The following SOX5 variants were observed in gnomAD, a reference collection of about 807,000 sequenced individuals.
SOX5 encodes the protein SRY-box transcription factor 5, also known as transcription factor SOX-5.
SOX5 carries 9 observed loss-of-function variants against 92.0 expected under a neutral mutation model. The observed-to-expected ratio is 0.10, with a 90% CI of 0.06 to 0.17. The LOEUF is 0.17. Among genes scored for constraint, SOX5 ranks in the 10% least tolerant of loss-of-function variants. SOX5 has a pLI of 1.00. For missense variants in SOX5, 642 were observed against 944.5 expected, an observed-to-expected ratio of 0.68 and a Z score of 4.20; for synonymous variants, 344 against 336.3, an observed-to-expected ratio of 1.02 and a Z score of -0.25.
chr12:24,051,387 A>T (rs1230163349), intron 4 of SOX5, among the ~76,000 whole-genome samples: 2 of 152,152 alleles, frequency 1.3e-5, no homozygotes, highest in African/African-American at 2.4e-5. Context: ...GCACACACCC[A>T]TACATGCAAA....
chr12:23,979,014 A>T (rs1418077080), intron 4 of SOX5, among the ~76,000 whole-genome samples: 1 of 152,182 alleles, frequency 6.6e-6, no homozygotes, highest in African/African-American at 2.4e-5. Flanking sequence ...GTATCAATTA[A>T]GGCAATATCT....
intron 4 of SOX5, among the ~76,000 whole-genome samples, chr12:24,105,278 C>T (rs573417699): frequency 2.4e-4 from 36 of 152,180 alleles, no homozygotes; most frequent in Admixed American, 2.2e-3. Flanking sequence ...CGGTGGCTCA[C>T]GCCTGTAATC....
intron 6 of SOX5, among the ~76,000 whole-genome samples, chr12:23,696,478 C>A (rs1007427922): frequency 3.3e-5 from 5 of 152,232 alleles, no homozygotes; most frequent in Non-Finnish European, 7.4e-5. Flanking sequence ...CTCATTTCTA[C>A]AATTTCAAAT....
chr12:23,920,425 G>C (rs1318551372), intron 1 of SOX5: 1 of 152,168 alleles, frequency 6.6e-6, no homozygotes, highest in Non-Finnish European at 1.5e-5. Context: ...TGACTCTCTA[G>C]ATTAGTAATA....
In SOX5 at chr12:24,315,973, C is replaced by T. The variant is rs12317665; in HGVS notation, c.-173-38661G>A. 7.2e-3 allele frequency among the ~76,000 whole-genome samples: 1,093 copies of T among 152,314 alleles called. 4 individuals are homozygous for T. Among genetic ancestry groups the T allele is most frequent in the Middle Eastern group, 0.01 (3 of 294 alleles). ...CCTTCAAAGCTAAGGCCTTCAGCCA[C>T]GGGCTTCTCTTTCACATCACTTGGG... On this transcript the variant is annotated intron_variant, in intron 2 of 4. Coordinates refer to the SOX5 transcript ENST00000446891.
intron 1 of SOX5, among the ~76,000 whole-genome samples, chr12:23,908,477 C>T (rs771470991): frequency 1.3e-5 from 2 of 151,938 alleles, no homozygotes; most frequent in Non-Finnish European, 1.5e-5. Context: ...TTCCATGCCC[C>T]ATACAGACTT....
At chr12:24,140,934 T>C (rs1385759410) in intron 4 of SOX5, among the ~76,000 whole-genome samples, 1 of 152,152 alleles carries the variant, frequency 6.6e-6, no homozygotes, top group African/African-American at 2.4e-5. Flanking sequence ...AAATAGCACA[T>C]AGCTATATTT....
At chr12:24,481,751 G>C (rs571756207) in intron 1 of SOX5, among the ~76,000 whole-genome samples, 1 of 152,244 alleles carries the variant, frequency 6.6e-6, no homozygotes, top group Non-Finnish European at 1.5e-5. Context: ...ACGTAGATGG[G>C]GGTGGTCTGG....
intron 11 of SOX5, among the ~76,000 whole-genome samples, chr12:23,556,838 G>A (rs1945262433): frequency 6.6e-6 from 1 of 152,186 alleles, no homozygotes; most frequent in Non-Finnish European, 1.5e-5. Flanking sequence ...GAAGGAGCAT[G>A]TGTTAGATAA....
intron 2 of SOX5, among the ~76,000 whole-genome samples, chr12:24,340,140 A>G (rs1952412605): frequency 6.6e-6 from 1 of 152,240 alleles, no homozygotes. Flanking sequence ...TCGCTGGCAC[A>G]TAGTCTCCCT....
At chr12:24,466,077 AG>A (rs945258458) in intron 1 of SOX5, among the ~76,000 whole-genome samples, 3 of 152,140 alleles carry the variant, frequency 2.0e-5, no homozygotes, top group Non-Finnish European at 4.4e-5. Context: ...ATACCTTGAG[AG>A]GGTAGAAGAA....
intron 4 of SOX5, among the ~76,000 whole-genome samples, chr12:23,971,107 G>A (rs1176158437): frequency 7.9e-6 from 1 of 126,730 alleles, no homozygotes; most frequent in Non-Finnish European, 1.6e-5. Flanking sequence ...CATCTGAGTA[G>A]GTGTGTCAGC....
At chr12:23,890,373 A>C (rs976374335) in intron 2 of SOX5, among the ~76,000 whole-genome samples, 1 of 152,186 alleles carries the variant, frequency 6.6e-6, no homozygotes, top group Non-Finnish European at 1.5e-5. Flanking sequence ...ATTTTAAGGA[A>C]TCAAAAGAGA....
Position 24,215,375 on chromosome 12 carries a change from A to T in SOX5, c.-76-1958T>A, listed in dbSNP as rs1959087756. ...ATCTTAAGGAAGTAATTAAAAAACT[A>T]TAAGAGCTAAAGAACAAGTTCAGTA... On this transcript the variant is annotated intron_variant, in intron 3 of 4. Transcript: ENST00000446891. Among the ~76,000 whole-genome samples, 3 of 152,150 alleles carry T rather than the reference A, an allele frequency of 2.0e-5. No individual in the cohort carries two copies. In the South Asian group the frequency reaches 6.2e-4, roughly 31 times the overall value.
chr12:24,103,869 G>GA (rs1946375519), intron 4 of SOX5, among the ~76,000 whole-genome samples: 3 of 151,816 alleles, frequency 2.0e-5, no homozygotes, highest in African/African-American at 2.4e-5. Flanking sequence ...TCTTCTTCCT[G>GA]AAAAAAAATG....
chr12:23,820,656 C>T (rs1594769431), intron 3 of SOX5, among the ~76,000 whole-genome samples: 2 of 152,148 alleles, frequency 1.3e-5, no homozygotes, highest in South Asian at 4.1e-4. Context: ...AGCCAGTTTT[C>T]CCAACACCAT....
At chr12:23,680,099 G>A (rs139248243) in intron 6 of SOX5, among the ~76,000 whole-genome samples, 11 of 151,996 alleles carry the variant, frequency 7.2e-5, no homozygotes, top group African/African-American at 2.7e-4. Flanking sequence ...GCTGAGGTGG[G>A]CACATCGCTT....
chr12:23,783,351 T>C (rs1349263044), intron 3 of SOX5, among the ~76,000 whole-genome samples: 1 of 152,218 alleles, frequency 6.6e-6, no homozygotes, highest in Non-Finnish European at 1.5e-5. Context: ...GATAGTACCT[T>C]AGCCATTTCA....
In SOX5 at chr12:23,604,431, T is replaced by C. The variant is rs1204271708; in HGVS notation, c.1120A>G (p.Ile374Val). 1 of 1,613,840 alleles carries C rather than the reference T, an allele frequency of 6.2e-7. No homozygotes were observed. The highest frequency in any genetic ancestry group is 8.5e-7 in the Non-Finnish European group (1 of 1,179,794). The change falls in exon 9 of 15, where the codon ATT becomes GTT. Residue 374 changes from isoleucine (I) to valine (V), a missense_variant. Physicochemically the swap from Ile to Val is conservative, Grantham distance 29 (BLOSUM62 3). Transcript: ENST00000451604. ...CTGTTTGTGCTCTTGTCTGTGTGAA[T>C]GCTGGTAGGAGATACAGCAGCACCA... ...NLGAAVSPTS[I>V]HTDKSTNSPP...
Sources: allele counts gnomAD v4.1 joint callset (sites outside exome capture counted in the v4.1 genomes callset), GRCh38; gene constraint gnomAD v4.1.1; transcripts MANE v1.5; gene names NCBI Gene and HGNC (gene_info 2026-07-23, HGNC 2026-07-21).